HES2: variants seen among roughly 807,000 people sequenced by gnomAD.
HES2 encodes hes family bHLH transcription factor 2.
A neutral mutation model predicts 11.9 loss-of-function variants in HES2; 11 were observed. The ratio of observed to expected loss-of-function variants is 0.92; its 90% CI spans 0.58 to 1.53. The LOEUF is 1.53. Ranked by LOEUF, HES2 falls within the 40% of genes most tolerant of loss-of-function variation. The pLI, the probability that HES2 is intolerant of heterozygous loss-of-function variation, is 0.00. For synonymous variants in HES2, 125 were observed against 122.8 expected, an observed-to-expected ratio of 1.02 and a Z score of -0.12; for missense variants, 260 against 253.8, an observed-to-expected ratio of 1.02 and a Z score of -0.16.
In HES2 at chr1:6,419,854, C is replaced by CA; in HGVS notation, c.-35dup. 1 of 1,532,536 alleles carries CA rather than the reference C, an allele frequency of 6.5e-7. No homozygotes were observed. Among genetic ancestry groups the CA allele is most frequent in the Non-Finnish European group, 8.7e-7 (1 of 1,144,478 alleles). The allele number at this position is 1,532,536 out of a possible 1,614,324, so 94.9% of individuals were successfully genotyped here. Reference sequence around the variant, plus strand: ...GGGAAGCGGTGGCAGCTGCGAGCCCCACGCAAAGGGAAACCGAGGTCCGAA... The same window carrying CA: ...GGGAAGCGGTGGCAGCTGCGAGCCCCAACGCAAAGGGAAACCGAGGTCCGAA... On this transcript the variant is annotated 5_prime_UTR_variant, in exon 1 of 4. Transcript: ENST00000377834. This position sits in a 1 kb window ranked among gnomAD's most constrained non-coding sequence, Gnocchi z 8.1.
rs781203804 is a variant in HES2 at position 6,419,269 on chromosome 1, A to G, written c.213T>C (p.Pro71=). 3.1e-5 allele frequency: 50 copies of G among 1,610,378 alleles called. No homozygotes were observed. Among genetic ancestry groups the G allele is most frequent in the Non-Finnish European group, 3.8e-5 (45 of 1,179,114 alleles). The change falls in exon 3 of 4, where the codon CCT becomes CCC. Residue 71 remains proline (P), a synonymous_variant. Coordinates refer to ENST00000377834, the MANE Select transcript of HES2 (RefSeq NM_019089.5). The surrounding 1 kb of genome is among the most constrained non-coding windows in gnomAD (Gnocchi z 8.1). ...EMTVRFLQEL[P]ASSWPTAAPL... is the part of the protein sequence containing the mutation. ...GCGCTGCCGTGGGCCATGAGGACGC[A>G]GGCAGCTCCTGCAGGAAGCGCACGG...
In HES2 at chr1:6,418,690, G is replaced by A; in HGVS notation, c.*183C>T. 2.0e-6 allele frequency: 1 copy of A among 501,482 alleles called. No individual in the cohort carries two copies. Among genetic ancestry groups the A allele is most frequent in the Non-Finnish European group, 3.1e-6 (1 of 320,838 alleles). The allele number at this position is 501,482 out of a possible 1,614,324, so 31.1% of individuals were successfully genotyped here. A position where few individuals can be genotyped will look rare whatever the true frequency, so the allele number is the denominator to read the frequency against. On this transcript the variant is annotated 3_prime_UTR_variant, in exon 4 of 4. Coordinates refer to ENST00000377834, the MANE Select transcript of HES2 (RefSeq NM_019089.5). ...CAGGGACGCTCCTTTTATTCCCTGA[G>A]CCGAGCCCCAGCCCCAGGGCTTTCA...
rs778008241 is a variant in HES2, at chr1:6,416,114, C to T, written c.*2759G>A. On this transcript the variant is annotated 3_prime_UTR_variant, in exon 4 of 4. Transcript: ENST00000377834. ...TTTTATGAGAAAGAGACATGGGAGCCTTTTCCCCAGCTGGGGCAATCATCA... is the reference window on the plus strand; with the variant it reads ...TTTTATGAGAAAGAGACATGGGAGCTTTTTCCCCAGCTGGGGCAATCATCA... The T allele has an allele frequency of 6.6e-6, 1 of 152,278 alleles. No individual in the cohort carries two copies. The highest frequency in any genetic ancestry group is 1.5e-5 in the Non-Finnish European group (1 of 68,070). The allele number at this position is 152,278 out of a possible 1,614,324, so 9.4% of individuals were successfully genotyped here. A position where few individuals can be genotyped will look rare whatever the true frequency, so the allele number is the denominator to read the frequency against.
chr1:6,419,131 C>T lies in HES2; in HGVS notation c.264G>A (p.Glu88=), dbSNP rs1642881529. The T allele has an allele frequency of 2.0e-6, 3 of 1,524,508 alleles. No homozygotes were observed. Among genetic ancestry groups the T allele is most frequent in the East Asian group, 5.1e-5 (2 of 39,568 alleles). The allele number at this position is 1,524,508 out of a possible 1,614,324, so 94.4% of individuals were successfully genotyped here. A position where few individuals can be genotyped will look rare whatever the true frequency, so the allele number is the denominator to read the frequency against. The change falls in exon 4 of 4, where the codon GAG becomes GAA. Residue 88 remains glutamate (E), a synonymous_variant. Coordinates refer to ENST00000377834, the MANE Select transcript of HES2 (RefSeq NM_019089.5). The surrounding 1 kb of genome is among the most constrained non-coding windows in gnomAD (Gnocchi z 8.1). ...AAPLPCDSYR[E]GYSACVARLA... is the part of the protein sequence containing the mutation. Reference sequence around the variant, plus strand: ...GGCGCGCCACACAGGCGCTGTAGCCCTCGCGGTAGCTGTCGCAAGGCACTG... The same window carrying T: ...GGCGCGCCACACAGGCGCTGTAGCCTTCGCGGTAGCTGTCGCAAGGCACTG...
In HES2 at chr1:6,416,983, G is replaced by A. The variant is rs1318250493; in HGVS notation, c.*1890C>T. The A allele has an allele frequency of 6.6e-6, 1 of 152,334 alleles. No individual in the cohort carries two copies. The highest frequency in any genetic ancestry group is 1.9e-4 in the East Asian group (1 of 5,196). The allele number at this position is 152,334 out of a possible 1,614,324, so 9.4% of individuals were successfully genotyped here. A position where few individuals can be genotyped will look rare whatever the true frequency, so the allele number is the denominator to read the frequency against. ...CCAGGGCATGGGAGTGGGAGTTAAG[G>A]CAAATGCCAGACTGTCCAAGGCTCA... On this transcript the variant is annotated 3_prime_UTR_variant, in exon 4 of 4. Transcript: ENST00000377834.
Position 6,419,575 on chromosome 1 carries a change from G to A in HES2, c.141+32C>T. 6.7e-7 allele frequency: 1 copy of A among 1,502,342 alleles called. No homozygotes were observed. Among genetic ancestry groups the A allele is most frequent in the Non-Finnish European group, 8.9e-7 (1 of 1,121,632 alleles). 93.1% of individuals were successfully genotyped at this position (1,502,342 alleles called of 1,614,324 possible). On this transcript the variant is annotated intron_variant, in intron 2 of 3. Transcript: ENST00000377834. This position sits in a 1 kb window ranked among gnomAD's most constrained non-coding sequence, Gnocchi z 8.1. ...CCCCCTGCCCCCGCTCCGCGCCCCA[G>A]GACCCTCTGCCCTCCGCCCGGGCGC... is the stretch of plus-strand genomic sequence containing the variant.
In HES2 at chr1:6,419,847, C is replaced by G. The variant is rs552897481; in HGVS notation, c.-27G>C. 1 of 1,530,514 alleles carries G rather than the reference C, an allele frequency of 6.5e-7. No individual in the cohort carries two copies. The highest frequency in any genetic ancestry group is 8.7e-7 in the Non-Finnish European group (1 of 1,143,906). 94.8% of individuals were successfully genotyped at this position (1,530,514 alleles called of 1,614,324 possible). A position where few individuals can be genotyped will look rare whatever the true frequency, so the allele number is the denominator to read the frequency against. On this transcript the variant is annotated 5_prime_UTR_variant, in exon 1 of 4. Transcript: ENST00000377834. The surrounding 1 kb of genome is among the most constrained non-coding windows in gnomAD (Gnocchi z 8.1). ...CTCCGCGGGGAAGCGGTGGCAGCTGCGAGCCCCACGCAAAGGGAAACCGAG... is the reference window on the plus strand; with the variant it reads ...CTCCGCGGGGAAGCGGTGGCAGCTGGGAGCCCCACGCAAAGGGAAACCGAG...
chr1:6,418,511 CTCTGG>C lies in HES2; in HGVS notation c.*357_*361del. 4.6e-6 allele frequency: 1 copy of C among 219,196 alleles called. No homozygotes were observed. The highest frequency in any genetic ancestry group is 8.9e-6 in the Non-Finnish European group (1 of 112,564). 13.6% of individuals were successfully genotyped at this position (219,196 alleles called of 1,614,324 possible). A position where few individuals can be genotyped will look rare whatever the true frequency, so the allele number is the denominator to read the frequency against. On this transcript the variant is annotated 3_prime_UTR_variant, in exon 4 of 4. Transcript: ENST00000377834. ...CACTTTGCCCAGGTCCTGGCTCTGGCTCTGGTCTGGTGCCAGTGCTGGGGTGGGTG... is the reference window on the plus strand; with the variant it reads ...CACTTTGCCCAGGTCCTGGCTCTGGCTCTGGTGCCAGTGCTGGGGTGGGTG...
Position 6,419,450 on chromosome 1 carries a change from G to A in HES2, c.142-110C>T. On this transcript the variant is annotated intron_variant, in intron 2 of 3. Coordinates refer to ENST00000377834, the MANE Select transcript of HES2 (RefSeq NM_019089.5). This position sits in a 1 kb window ranked among gnomAD's most constrained non-coding sequence, Gnocchi z 8.1. ...GGAGCTGGGTGTGGGGCGCGCCGTG[G>A]CCTGCTGGGGGTCCGCTCCGACGCG... 1 of 1,187,714 alleles carries A rather than the reference G, an allele frequency of 8.4e-7. No homozygotes were observed. The highest frequency in any genetic ancestry group is 1.2e-6 in the Non-Finnish European group (1 of 850,966). 73.6% of individuals were successfully genotyped at this position (1,187,714 alleles called of 1,614,324 possible).
chr1:6,418,948 G>T lies in HES2; in HGVS notation c.447C>A (p.Ala149=), dbSNP rs1389572007. The T allele has an allele frequency of 5.2e-6, 7 of 1,339,176 alleles. No individual in the cohort carries two copies. Among genetic ancestry groups the T allele is most frequent in the East Asian group, 3.1e-5 (1 of 32,440 alleles). 83.0% of individuals were successfully genotyped at this position (1,339,176 alleles called of 1,614,324 possible). ...PSAPAPAPAS[A]PEPASAPVPS... ...GCACCGGAGCGGATGCGGGCTCTGG[G>T]GCAGACGCGGGCGCTGGGGCGGGGG... The change falls in exon 4 of 4, where the codon GCC becomes GCA. Residue 149 remains alanine, a synonymous_variant. Transcript: ENST00000377834.
Position 6,419,618 on chromosome 1 carries a change from G to T in HES2, c.130C>A (p.Leu44Met). 6.5e-7 allele frequency: 1 copy of T among 1,538,744 alleles called. No homozygotes were observed. Residue 44 changes from leucine (L) to methionine (M), a missense_variant, in exon 2 of 4, where the codon CTG (leucine) becomes ATG (methionine). Coordinates refer to ENST00000377834, the MANE Select transcript of HES2 (RefSeq NM_019089.5). This position sits in a 1 kb window ranked among gnomAD's most constrained non-coding sequence, Gnocchi z 8.1. Reference sequence around the variant, plus strand: ...CCGGGCGCGCTCACCTCCCGGCCCAGCAGCGGCAGGATGAGCCCCTTAAGC... The same window carrying T: ...CCGGGCGCGCTCACCTCCCGGCCCATCAGCGGCAGGATGAGCCCCTTAAGC... ...SQLKGLILPLLGRENSNCSKL... is the reference protein window; with the variant it reads ...SQLKGLILPLMGRENSNCSKL...
At position 6,418,763 on chromosome 1, in the gene HES2, T is replaced by C. The variant is rs1642876879; in HGVS notation, c.*110A>G. 9.1e-7 allele frequency: 1 copy of C among 1,097,052 alleles called. No individual in the cohort carries two copies. 68.0% of individuals were successfully genotyped at this position (1,097,052 alleles called of 1,614,324 possible). ...AGCCGGCTTCCGGCCTGGGTGTGGGTACTGGGCTGGCCCCTAATGATGGGA... is the reference window on the plus strand; with the variant it reads ...AGCCGGCTTCCGGCCTGGGTGTGGGCACTGGGCTGGCCCCTAATGATGGGA... On this transcript the variant is annotated 3_prime_UTR_variant, in exon 4 of 4. Coordinates refer to ENST00000377834, the MANE Select transcript of HES2 (RefSeq NM_019089.5).
At position 6,419,901 on chromosome 1, in the gene HES2, G is replaced by A. The variant is rs904677244; in HGVS notation, c.-81C>T. 3 of 1,433,582 alleles carry A rather than the reference G, an allele frequency of 2.1e-6. No homozygotes were observed. Among genetic ancestry groups the A allele is most frequent in the Admixed American group, 2.8e-5 (1 of 35,594 alleles). The allele number at this position is 1,433,582 out of a possible 1,614,324, so 88.8% of individuals were successfully genotyped here. ...CGAAATGAGGTCCCGGGCGCGGCCC[G>A]GGCTGGTGCCAGACGAGTGCGCGCC... On this transcript the variant is annotated 5_prime_UTR_variant, in exon 1 of 4. Coordinates refer to ENST00000377834, the MANE Select transcript of HES2 (RefSeq NM_019089.5). The surrounding 1 kb of genome is among the most constrained non-coding windows in gnomAD (Gnocchi z 8.1).
rs777792054 is a variant in HES2 at position 6,419,172 on chromosome 1, G to C, written c.242-19C>G. Reference sequence around the variant, plus strand: ...CAAGGCACTGCGGGCGGAGAGCCGCGTGAGGCGCGGGGTAGGGTGCCGGGT... The same window carrying C: ...CAAGGCACTGCGGGCGGAGAGCCGCCTGAGGCGCGGGGTAGGGTGCCGGGT... On this transcript the variant is annotated intron_variant, in intron 3 of 3. Coordinates refer to ENST00000377834, the MANE Select transcript of HES2 (RefSeq NM_019089.5). This position sits in a 1 kb window ranked among gnomAD's most constrained non-coding sequence, Gnocchi z 8.1. 4.5e-6 allele frequency: 7 copies of C among 1,563,748 alleles called. No homozygotes were observed. The highest frequency in any genetic ancestry group is 6.0e-6 in the Non-Finnish European group (7 of 1,162,276).
chr1:6,419,484 A>T lies in HES2; in HGVS notation c.141+123T>A. 8.6e-7 allele frequency: 1 copy of T among 1,168,882 alleles called. No individual in the cohort carries two copies. Among genetic ancestry groups the T allele is most frequent in the East Asian group, 2.8e-5 (1 of 35,928 alleles). 72.4% of individuals were successfully genotyped at this position (1,168,882 alleles called of 1,614,324 possible). A position where few individuals can be genotyped will look rare whatever the true frequency, so the allele number is the denominator to read the frequency against. Reference sequence around the variant, plus strand: ...GGGTCCGCTCCGACGCGCCCACCCCACCCAGGCTCCGCCTCGGGCGCCGCG... The same window carrying T: ...GGGTCCGCTCCGACGCGCCCACCCCTCCCAGGCTCCGCCTCGGGCGCCGCG... On this transcript the variant is annotated intron_variant, in intron 2 of 3. Transcript: ENST00000377834. The surrounding 1 kb of genome is among the most constrained non-coding windows in gnomAD (Gnocchi z 8.1).
chr1:6,416,452 T>G lies in HES2; in HGVS notation c.*2421A>C, dbSNP rs1642851748. 1 of 152,246 alleles carries G rather than the reference T, an allele frequency of 6.6e-6. No individual in the cohort carries two copies. The highest frequency in any genetic ancestry group is 1.5e-5 in the Non-Finnish European group (1 of 68,088). 9.4% of individuals were successfully genotyped at this position (152,246 alleles called of 1,614,324 possible). A position where few individuals can be genotyped will look rare whatever the true frequency, so the allele number is the denominator to read the frequency against. Reference sequence around the variant, plus strand: ...ACACCCCTGCGGAGAAACTCTGCCTTCTTGCCTGGGGCCCAGAACCTTACC... The same window carrying G: ...ACACCCCTGCGGAGAAACTCTGCCTGCTTGCCTGGGGCCCAGAACCTTACC... On this transcript the variant is annotated 3_prime_UTR_variant, in exon 4 of 4. Coordinates refer to ENST00000377834, the MANE Select transcript of HES2 (RefSeq NM_019089.5).
Position 6,418,761 on chromosome 1 carries a change from G to T in HES2, c.*112C>A, listed in dbSNP as rs1642876858. 1 of 1,078,020 alleles carries T rather than the reference G, an allele frequency of 9.3e-7. No homozygotes were observed. Among genetic ancestry groups the T allele is most frequent in the Non-Finnish European group, 1.2e-6 (1 of 846,620 alleles). 66.8% of individuals were successfully genotyped at this position (1,078,020 alleles called of 1,614,324 possible). ...ACAGCCGGCTTCCGGCCTGGGTGTG[G>T]GTACTGGGCTGGCCCCTAATGATGG... On this transcript the variant is annotated 3_prime_UTR_variant, in exon 4 of 4. Coordinates refer to ENST00000377834, the MANE Select transcript of HES2 (RefSeq NM_019089.5).
At position 6,417,631 on chromosome 1, in the gene HES2, C is replaced by T. The variant is rs919190197; in HGVS notation, c.*1242G>A. 5.3e-5 allele frequency: 8 copies of T among 152,236 alleles called. No individual in the cohort carries two copies. The highest frequency in any genetic ancestry group is 1.7e-4 in the African/African-American group (7 of 41,462). The allele number at this position is 152,236 out of a possible 1,614,324, so 9.4% of individuals were successfully genotyped here. On this transcript the variant is annotated 3_prime_UTR_variant, in exon 4 of 4. Transcript: ENST00000377834. The stretch of plus-strand genomic sequence containing the variant: ...TTTTTGAGACAGAGTCTTGCTGTGT[C>T]ACCCAGGCTGGAGAGCAATGGCTCA...
Position 6,418,058 on chromosome 1 carries a change from C to T in HES2, c.*815G>A, listed in dbSNP as rs1454184936. 6.6e-6 allele frequency: 1 copy of T among 152,308 alleles called. No homozygotes were observed. Among genetic ancestry groups the T allele is most frequent in the Non-Finnish European group, 1.5e-5 (1 of 68,100 alleles). The allele number at this position is 152,308 out of a possible 1,614,324, so 9.4% of individuals were successfully genotyped here. ...TGCTCACCCCACATTGGCACAGACT[C>T]TGCTGGAGTCAGATCCTCCAAAGCC... On this transcript the variant is annotated 3_prime_UTR_variant, in exon 4 of 4. Transcript: ENST00000377834.
Sources: allele counts gnomAD v4.1 joint callset, GRCh38; gene constraint gnomAD v4.1.1; non-coding constraint Gnocchi (gnomAD v3.1); transcripts MANE v1.5; gene names NCBI Gene and HGNC (gene_info 2026-07-23, HGNC 2026-07-21).